Variants in SGCD observed in about 807,000 individuals in gnomAD.
SGCD encodes the protein delta-sarcoglycan.
A neutral mutation model predicts 36.6 loss-of-function variants in SGCD; 18 were observed. The observed-to-expected ratio is 0.49, with a 90% CI of 0.34 to 0.73. SGCD has a LOEUF of 0.73. Ranked by LOEUF, SGCD falls within the 30% of genes least tolerant of loss-of-function variation. The pLI is 0.01. For synonymous variants in SGCD, 133 were observed against 130.6 expected, an observed-to-expected ratio of 1.02 and a Z score of -0.12; for missense variants, 387 against 346.7, an observed-to-expected ratio of 1.12 and a Z score of -0.92.
chr5:156,506,066 A>G (rs1261726804), intron 3 of SGCD, among the ~76,000 whole-genome samples: 2 of 152,122 alleles, frequency 1.3e-5, no homozygotes, highest in Non-Finnish European at 2.9e-5. Context: ...GTTTGACTGT[A>G]TTTTCCTAGT....
chr5:155,811,730 G>T, the SGCD span, among the ~76,000 whole-genome samples: 3 of 152,178 alleles, frequency 2.0e-5, 1 homozygote, highest in South Asian at 6.2e-4. Context: ...TGGGTCCGGG[G>T]GGTCACCGCC....
the SGCD span, among the ~76,000 whole-genome samples, chr5:155,818,760 A>T: frequency 6.6e-6 from 1 of 152,088 alleles, no homozygotes; most frequent in Non-Finnish European, 1.5e-5. Context: ...GCCTCAAGAG[A>T]TCCTCCCACC....
At chr5:156,545,583 G>A (rs79963846) in intron 4 of SGCD, among the ~76,000 whole-genome samples, 18,972 of 152,116 alleles carry the variant, frequency 0.12, 1,352 homozygotes, top group Admixed American at 0.17. Context: ...TAGATCCCTT[G>A]CATGCCCAGT....
At chr5:155,943,915 G>A (rs764853896) in intron 1 of SGCD, among the ~76,000 whole-genome samples, 12 of 152,026 alleles carry the variant, frequency 7.9e-5, no homozygotes, top group Non-Finnish European at 1.5e-4. Context: ...CTTTATTGTC[G>A]AATAGCTCAA....
chr5:156,198,322 AC>A (rs1764067667), intron 3 of SGCD, among the ~76,000 whole-genome samples: 1 of 152,126 alleles, frequency 6.6e-6, no homozygotes. Context: ...TGTTATGTTC[AC>A]ATAGGAAATA....
At chr5:155,824,042 A>T in the SGCD span, among the ~76,000 whole-genome samples, 7 of 152,230 alleles carry the variant, frequency 4.6e-5, no homozygotes, top group African/African-American at 1.7e-4. Context: ...ATAGAAAGCC[A>T]GAGAAATGCC....
At chr5:156,689,428 C>T (rs149899571) in intron 7 of SGCD, among the ~76,000 whole-genome samples, 15 of 152,204 alleles carry the variant, frequency 9.9e-5, no homozygotes, top group Non-Finnish European at 2.9e-5. Context: ...CTAGAAAGGG[C>T]AGTACCATAC....
intron 4 of SGCD, among the ~76,000 whole-genome samples, chr5:156,525,405 G>C (rs1038046639): frequency 1.3e-5 from 2 of 152,020 alleles, no homozygotes; most frequent in Non-Finnish European, 1.5e-5. Flanking sequence ...TCTTTGCCAA[G>C]TTTTAAATTT....
chr5:156,222,586 T>G (rs2127646521), intron 3 of SGCD, among the ~76,000 whole-genome samples: 1 of 152,200 alleles, frequency 6.6e-6, no homozygotes. Context: ...AGTAAAGTGG[T>G]CAAAGCCACT....
intron 1 of SGCD, among the ~76,000 whole-genome samples, chr5:155,988,021 T>C (rs1017157242): frequency 6.6e-6 from 1 of 152,184 alleles, no homozygotes; most frequent in African/African-American, 2.4e-5. Context: ...CTATTCCACA[T>C]TGCAGATGAA....
chr5:156,507,518 G>C (rs1054601731), intron 3 of SGCD, among the ~76,000 whole-genome samples: 1 of 152,088 alleles, frequency 6.6e-6, no homozygotes, highest in Non-Finnish European at 1.5e-5. Context: ...TTTGTTATTT[G>C]TTACTGTGAC....
chr5:156,359,295 AG>A (rs1769654780), intron 3 of SGCD, among the ~76,000 whole-genome samples: 1 of 152,212 alleles, frequency 6.6e-6, no homozygotes, highest in Non-Finnish European at 1.5e-5. Flanking sequence ...GGCCACTTAC[AG>A]GTATATCAAC....
At chr5:156,243,793 T>C (rs1284437711) in intron 3 of SGCD, among the ~76,000 whole-genome samples, 2 of 152,112 alleles carry the variant, frequency 1.3e-5, no homozygotes. Flanking sequence ...CAAATAGTCA[T>C]GGGGAGAAAG....
intron 3 of SGCD, among the ~76,000 whole-genome samples, chr5:156,276,834 A>C (rs1321705287): frequency 6.6e-6 from 1 of 152,214 alleles, no homozygotes; most frequent in African/African-American, 2.4e-5. Flanking sequence ...TGATATAGTA[A>C]TAATCCAAAG....
At chr5:155,902,511 T>C (rs4400109) in intron 1 of SGCD, among the ~76,000 whole-genome samples, 27,237 of 152,096 alleles carry the variant, frequency 0.18, 3,881 homozygotes, top group African/African-American at 0.4. Flanking sequence ...ATCAGGGTCA[T>C]ATAGTAAGTG....
intron 3 of SGCD, among the ~76,000 whole-genome samples, chr5:156,359,187 T>C (rs533971392): frequency 7.9e-5 from 12 of 152,302 alleles, no homozygotes; most frequent in Non-Finnish European, 1.3e-4. Flanking sequence ...GTATGTGTTA[T>C]GAAAAGGAAA....
chr5:156,032,545 C>T (rs941254091), intron 1 of SGCD, among the ~76,000 whole-genome samples: 37 of 150,944 alleles, frequency 2.5e-4, no homozygotes, highest in Admixed American at 4.6e-4. Context: ...GGTGAAAACC[C>T]GTCTCTACTA....
chr5:156,599,204 T>G lies in SGCD; in HGVS notation c.502+4153T>G, dbSNP rs1761065337. 3.9e-5 allele frequency among the ~76,000 whole-genome samples: 6 copies of G among 152,206 alleles called. No homozygotes were observed. The South Asian group carries it at 1.0e-3, about 26-fold the overall frequency. ...TTCATTTTCAGCATAATGAGAAGTT[T>G]GTCTTTTTGAGTCGTCAGACTGTAT... On this transcript the variant is annotated intron_variant, in intron 6 of 8. Transcript: ENST00000337851.
the SGCD span, among the ~76,000 whole-genome samples, chr5:155,847,917 T>C: frequency 6.6e-6 from 1 of 152,232 alleles, no homozygotes; most frequent in Non-Finnish European, 1.5e-5. Flanking sequence ...ATTAAGCTTT[T>C]TAGTTGCTTG....
Sources: gnomAD v4.1 joint callset for allele counts (sites outside exome capture counted in the v4.1 genomes callset) on GRCh38, gnomAD v4.1.1 for gene constraint, MANE v1.5 for transcripts, NCBI Gene and HGNC (gene_info 2026-07-23, HGNC 2026-07-21) for gene names.